GNG7: variants seen among roughly 807,000 people sequenced by gnomAD.
GNG7 encodes guanine nucleotide-binding protein G(I)/G(S)/G(O) subunit gamma-7.
A neutral mutation model predicts 4.0 loss-of-function variants in GNG7; 1 was observed. That is an observed-to-expected ratio of 0.25 (90% CI 0.09 to 1.18). The LOEUF (loss-of-function observed/expected upper bound fraction) is 1.18. Ranked by LOEUF, GNG7 falls within the 50% of genes most tolerant of loss-of-function variation. The pLI, the probability that GNG7 is intolerant of heterozygous loss-of-function variation, is 0.50. For synonymous variants in GNG7, 34 were observed against 36.9 expected (o/e 0.92, Z 0.29); for missense variants, 86 against 91.9 (o/e 0.94, Z 0.26).
intron 2 of GNG7, among the ~76,000 whole-genome samples, chr19:2,622,846 C>G (rs1420922108): frequency 6.6e-6 from 1 of 152,252 alleles, no homozygotes; most frequent in Non-Finnish European, 1.5e-5. Context: ...AAAGGGAGCT[C>G]AATGCGAGAG....
chr19:2,553,383 C>CATATATATATATATATAT lies in GNG7; in HGVS notation c.-38+1765_-38+1766insATATATATATATATATAT, dbSNP rs200287140. Among the ~76,000 whole-genome samples the CATATATATATATATATAT allele has an allele frequency of 3.6e-3, 464 of 127,572 alleles. 1 individual carries two copies. Among genetic ancestry groups the CATATATATATATATATAT allele is most frequent in the East Asian group, 0.012 (50 of 4,326 alleles). 83.7% of individuals were successfully genotyped at this position (127,572 alleles called of 152,430 possible). A position where few individuals can be genotyped will look rare whatever the true frequency, so the allele number is the denominator to read the frequency against. On this transcript the variant is annotated intron_variant, in intron 3 of 4. Coordinates refer to ENST00000382159, the MANE Select transcript of GNG7 (RefSeq NM_052847.3). ...ACTGACATGCCAGCATGGTGCTGAG[C>CATATATATATATATATAT]ATATATATATATACATATATATATG...
At chr19:2,696,339 AAAG>A (rs1296547260) in intron 1 of GNG7, among the ~76,000 whole-genome samples, 9 of 137,798 alleles carry the variant, frequency 6.5e-5, no homozygotes, top group African/African-American at 2.2e-4. Flanking sequence ...AGAAAGAAAG[AAAG>A]AAAGAAAAGA....
At chr19:2,625,414 C>T (rs1171944429) in intron 2 of GNG7, among the ~76,000 whole-genome samples, 2 of 152,136 alleles carry the variant, frequency 1.3e-5, no homozygotes, top group African/African-American at 4.8e-5. Flanking sequence ...AGGGGGGTCT[C>T]TGTTGCCCAG....
At chr19:2,551,076 G>A (rs368756337) in intron 3 of GNG7, among the ~76,000 whole-genome samples, 8 of 152,280 alleles carry the variant, frequency 5.3e-5, no homozygotes, top group South Asian at 4.1e-4. Context: ...TTGAGCTTGC[G>A]GCCTGGAGAC....
chr19:2,527,546 G>A (rs1345251291), intron 3 of GNG7, among the ~76,000 whole-genome samples: 1 of 152,154 alleles, frequency 6.6e-6, no homozygotes, highest in Non-Finnish European at 1.5e-5. Flanking sequence ...CGACAAAATT[G>A]ACAGTGGTGT....
chr19:2,563,349 T>TG (rs1479271592), intron 2 of GNG7, among the ~76,000 whole-genome samples: 8 of 152,232 alleles, frequency 5.3e-5, no homozygotes, highest in African/African-American at 1.9e-4. Flanking sequence ...CACTGTAGGC[T>TG]GCTGAGCAGC....
chr19:2,608,215 G>A (rs1048348275), intron 2 of GNG7, among the ~76,000 whole-genome samples: 1 of 152,074 alleles, frequency 6.6e-6, no homozygotes, highest in African/African-American at 2.4e-5. Flanking sequence ...GCGAAGCGTG[G>A]GTGGAGGAAA....
intron 2 of GNG7, among the ~76,000 whole-genome samples, chr19:2,574,333 A>G (rs1428195552): frequency 6.6e-6 from 1 of 152,056 alleles, no homozygotes; most frequent in African/African-American, 2.4e-5. Context: ...CCTCTCCAGA[A>G]CTTTCTCCTC....
Position 2,670,747 on chromosome 19 carries a change from C to T in GNG7, c.-134-24467G>A, listed in dbSNP as rs1599453685. ...CCTGCACCCACTCCATGCCAGGAGC[C>T]CTCGCCCCGCCCCCCACAAGTTGTG... is the stretch of plus-strand genomic sequence containing the variant. On this transcript the variant is annotated intron_variant, in intron 1 of 4. Coordinates refer to ENST00000382159, the MANE Select transcript of GNG7 (RefSeq NM_052847.3). Among the ~76,000 whole-genome samples the T allele has an allele frequency of 2.0e-5, 3 of 147,404 alleles. No homozygotes were observed. The South Asian group carries it at 6.5e-4, about 32-fold the overall frequency.
At chr19:2,619,382 G>C (rs1238263454) in intron 2 of GNG7, among the ~76,000 whole-genome samples, 1 of 152,218 alleles carries the variant, frequency 6.6e-6, no homozygotes, top group East Asian at 1.9e-4. Context: ...GCCTGCAAAG[G>C]CTAAAACATT....
chr19:2,548,308 G>T (rs1227537132), intron 3 of GNG7, among the ~76,000 whole-genome samples: 1 of 147,088 alleles, frequency 6.8e-6, no homozygotes, highest in Non-Finnish European at 1.5e-5. Context: ...GTGAAACCTG[G>T]TCTCTACTAA....
At chr19:2,655,597 G>A (rs1982945660) in intron 1 of GNG7, among the ~76,000 whole-genome samples, 1 of 151,950 alleles carries the variant, frequency 6.6e-6, no homozygotes, top group Non-Finnish European at 1.5e-5. Flanking sequence ...TTAGCACTTT[G>A]GGAGGCTGAG....
intron 1 of GNG7, among the ~76,000 whole-genome samples, chr19:2,647,482 G>A (rs1238218817): frequency 6.6e-6 from 1 of 152,192 alleles, no homozygotes; most frequent in African/African-American, 2.4e-5. Context: ...ACAGTCACAA[G>A]GAGGCCTCAT....
At chr19:2,677,259 T>TTTTC (rs1300143442) in intron 1 of GNG7, among the ~76,000 whole-genome samples, 1 of 151,654 alleles carries the variant, frequency 6.6e-6, no homozygotes, top group African/African-American at 2.4e-5. Flanking sequence ...TTCCATTTTT[T>TTTTC]TTTTTTTGCT....
At chr19:2,612,880 C>T (rs565920560) in intron 2 of GNG7, among the ~76,000 whole-genome samples, 7 of 151,940 alleles carry the variant, frequency 4.6e-5, no homozygotes, top group African/African-American at 1.2e-4. Flanking sequence ...TTAGTAGAGA[C>T]GGGTTTTCAC....
rs1463722921 is a variant in GNG7, at chr19:2,633,481, G to GCACACACACACACA, written c.-78+12742_-78+12743insTGTGTGTGTGTGTG. 1.4e-4 allele frequency among the ~76,000 whole-genome samples: 11 copies of GCACACACACACACA among 80,448 alleles called. No individual in the cohort carries two copies. The highest frequency in any genetic ancestry group is 4.3e-4 in the African/African-American group (11 of 25,372). The allele number at this position is 80,448 out of a possible 152,430, so 52.8% of individuals were successfully genotyped here. ...GTTGCTTAGCAACAGGCGCGCGCGC[G>GCACACACACACACA]CGCGCGCACACACACACACACACAC... On this transcript the variant is annotated intron_variant, in intron 2 of 4. Coordinates refer to ENST00000382159, the MANE Select transcript of GNG7 (RefSeq NM_052847.3). The surrounding 1 kb of genome is among the most constrained non-coding windows in gnomAD (Gnocchi z 5.9).
At position 2,614,645 on chromosome 19, in the gene GNG7, C is replaced by T. The variant is rs1361301682; in HGVS notation, c.-78+31579G>A. Reference sequence around the variant, plus strand: ...CAGAGTCTCGTTCACGGCTGAGTCTCGTTCCAGTGTGTGGAGGGCCACGCT... The same window carrying T: ...CAGAGTCTCGTTCACGGCTGAGTCTTGTTCCAGTGTGTGGAGGGCCACGCT... On this transcript the variant is annotated intron_variant, in intron 2 of 4. Coordinates refer to ENST00000382159, the MANE Select transcript of GNG7 (RefSeq NM_052847.3). This position sits in a 1 kb window ranked among gnomAD's most constrained non-coding sequence, Gnocchi z 6.0. Among the ~76,000 whole-genome samples the T allele has an allele frequency of 2.0e-5, 3 of 152,208 alleles. No individual in the cohort carries two copies. Among genetic ancestry groups the T allele is most frequent in the African/African-American group, 7.2e-5 (3 of 41,450 alleles).
At chr19:2,565,373 G>A (rs10403166) in intron 2 of GNG7, among the ~76,000 whole-genome samples, 8 of 151,968 alleles carry the variant, frequency 5.3e-5, no homozygotes, top group Non-Finnish European at 8.8e-5. Flanking sequence ...TTAGCTGGAC[G>A]TGGTGGCACA....
chr19:2,649,445 T>C (rs538392397), intron 1 of GNG7, among the ~76,000 whole-genome samples: 1 of 135,726 alleles, frequency 7.4e-6, no homozygotes, highest in South Asian at 2.3e-4. Context: ...TCACCCAGGC[T>C]GGAGTGCGAT....
Sources: gnomAD v4.1 joint callset for allele counts (sites outside exome capture counted in the v4.1 genomes callset) on GRCh38, gnomAD v4.1.1 for gene constraint, Gnocchi (gnomAD v3.1) non-coding constraint, MANE v1.5 for transcripts, NCBI Gene and HGNC (gene_info 2026-07-23, HGNC 2026-07-21) for gene names.